Variants in FLYWCH1 observed in about 807,000 individuals in gnomAD.
FLYWCH1 encodes FLYWCH-type zinc finger-containing protein 1.
Under a neutral mutation model 66.4 loss-of-function variants are expected in FLYWCH1, and 75 were observed. The observed-to-expected ratio is 1.13, with a 90% CI of 0.94 to 1.37. The LOEUF (loss-of-function observed/expected upper bound fraction) is 1.37, where lower values mean the gene tolerates loss of function less well. FLYWCH1 is among the 40% of genes most tolerant of loss of function. The probability of loss-of-function intolerance (pLI) is 0.00; values close to 1 mark genes in which losing one functional copy is unlikely to be tolerated. For missense variants in FLYWCH1, 1,334 were observed against 1,001.8 expected (o/e 1.33, Z -4.48); for synonymous variants, 595 against 429.9 (o/e 1.38, Z -4.75).
rs990991540 is a variant in FLYWCH1, at chr16:2,933,561, C to G, written c.1228C>G (p.Gln410Glu). Reference protein sequence around the residue: ...PTQPEAPDEHQDMDADPGGPE... With the variant: ...PTQPEAPDEHEDMDADPGGPE... Reference sequence around the variant, plus strand: ...CCAGCCCGAGGCCCCAGACGAGCACCAGGACATGGACGCAGACCCGGGTGA... The same window carrying G: ...CCAGCCCGAGGCCCCAGACGAGCACGAGGACATGGACGCAGACCCGGGTGA... Residue 410 changes from glutamine (Q) to glutamate (E), a missense_variant, in exon 5 of 10, where the codon CAG becomes GAG. By Grantham distance (29) the Gln-to-Glu change is conservative (BLOSUM62 2). Coordinates refer to ENST00000253928, the MANE Select transcript of FLYWCH1 (RefSeq NM_001308068.2). The G allele has an allele frequency of 3.7e-6, 6 of 1,601,504 alleles. No homozygotes were observed. In the African/African-American group the frequency reaches 5.4e-5, roughly 14 times the overall value.
At chr16:2,921,031 C>T (rs866300982) in intron 2 of FLYWCH1, among the ~76,000 whole-genome samples, 4 of 151,636 alleles carry the variant, frequency 2.6e-5, no homozygotes, top group East Asian at 1.9e-4. Flanking sequence ...TTAGTAGAGA[C>T]GGGGTTTCAC....
intron 9 of FLYWCH1, among the ~76,000 whole-genome samples, chr16:2,943,961 G>A (rs1023000709): frequency 3.3e-5 from 5 of 151,994 alleles, no homozygotes; most frequent in African/African-American, 1.2e-4. Flanking sequence ...AAAATTAGCT[G>A]TGTGTGGTGG....
intron 4 of FLYWCH1, among the ~76,000 whole-genome samples, chr16:2,932,050 G>A (rs545680523): frequency 4.0e-5 from 6 of 151,184 alleles, no homozygotes; most frequent in East Asian, 1.9e-4. Flanking sequence ...CCCGGGAGGC[G>A]GAGCTTGCCG....
At chr16:2,915,871 G>A (rs2070152070) in intron 2 of FLYWCH1, among the ~76,000 whole-genome samples, 1 of 151,946 alleles carries the variant, frequency 6.6e-6, no homozygotes, top group East Asian at 1.9e-4. Flanking sequence ...TGAAATGAAT[G>A]TGCAAATGGA....
At chr16:2,940,825 A>G (rs974260086) in intron 9 of FLYWCH1, among the ~76,000 whole-genome samples, 5 of 146,000 alleles carry the variant, frequency 3.4e-5, no homozygotes, top group Non-Finnish European at 7.5e-5. Flanking sequence ...ACAGTGGCTC[A>G]TACCTGTAAT....
chr16:2,919,806 T>C (rs1037843393), intron 2 of FLYWCH1, among the ~76,000 whole-genome samples: 3 of 152,240 alleles, frequency 2.0e-5, no homozygotes, highest in Admixed American at 6.5e-5. Flanking sequence ...CGTGTAATTT[T>C]ACCAAGGCAA....
intron 1 of FLYWCH1, among the ~76,000 whole-genome samples, chr16:2,913,627 G>A (rs1219697239): frequency 1.3e-5 from 2 of 152,114 alleles, no homozygotes; most frequent in East Asian, 1.9e-4. Context: ...AGAATCATCC[G>A]GCCCAAAATG....
Position 2,933,146 on chromosome 16 carries a change from C to T in FLYWCH1, c.813C>T (p.Leu271=), listed in dbSNP as rs74005527. ...CTCCTCTAGGACAGGCCCGGCCCCTCGAGTTCCTGAGGACGTGCTACGGGG... is the reference window on the plus strand; with the variant it reads ...CTCCTCTAGGACAGGCCCGGCCCCTTGAGTTCCTGAGGACGTGCTACGGGG... ...SILGLGQARP[L]EFLRTCYGGS... Residue 271 remains leucine (L), a synonymous_variant, in exon 5 of 10, where the codon CTC becomes CTT. Transcript: ENST00000253928. 2,500 of 1,613,326 alleles carry T rather than the reference C, an allele frequency of 1.5e-3. 11 individuals are homozygous for T. The highest frequency in any genetic ancestry group is 0.015 in the African/African-American group (1,088 of 74,980).
At chr16:2,936,534 C>T (rs1026003926) in intron 6 of FLYWCH1, 1 of 454,456 alleles carries the variant, frequency 2.2e-6, no homozygotes, top group Admixed American at 2.4e-5. Context: ...CCACGATGCC[C>T]CAGGCCACCT....
intron 9 of FLYWCH1, among the ~76,000 whole-genome samples, chr16:2,945,165 C>T (rs1214431330): frequency 2.0e-5 from 3 of 151,710 alleles, no homozygotes; most frequent in Admixed American, 6.6e-5. Flanking sequence ...GCCTGGCCAA[C>T]GTGAAGAAAC....
chr16:2,931,305 T>TAAAAAAAGAAA (rs2070754261), intron 4 of FLYWCH1, among the ~76,000 whole-genome samples: 1 of 87,468 alleles, frequency 1.1e-5, no homozygotes, highest in Non-Finnish European at 2.1e-5. Context: ...TCCATCTCAG[T>TAAAAAAAGAAA]AAAAAAAAAA....
intron 9 of FLYWCH1, among the ~76,000 whole-genome samples, chr16:2,945,286 G>C (rs1162181485): frequency 6.6e-6 from 1 of 151,924 alleles, no homozygotes; most frequent in Admixed American, 6.6e-5. Flanking sequence ...AGGAGATCAA[G>C]ACCGTCCGGG....
chr16:2,932,798 T>C (rs953096968), intron 4 of FLYWCH1, among the ~76,000 whole-genome samples: 1 of 151,850 alleles, frequency 6.6e-6, no homozygotes, highest in Non-Finnish European at 1.5e-5. Flanking sequence ...CGGTGTAACC[T>C]TGATGCAACA....
At chr16:2,936,494 A>G in intron 6 of FLYWCH1, 1 of 220,182 alleles carries the variant, frequency 4.5e-6, no homozygotes, top group South Asian at 2.9e-5. Context: ...ACCCACCCCC[A>G]TCCCCTGCTT....
At chr16:2,944,733 G>C (rs2071408719) in intron 9 of FLYWCH1, among the ~76,000 whole-genome samples, 1 of 151,964 alleles carries the variant, frequency 6.6e-6, no homozygotes, top group African/African-American at 2.4e-5. Context: ...TGAGGCGTGA[G>C]AATCGCTTAA....
intron 2 of FLYWCH1, among the ~76,000 whole-genome samples, chr16:2,915,930 A>C (rs1457316571): frequency 2.0e-5 from 3 of 152,328 alleles, no homozygotes; most frequent in African/African-American, 7.2e-5. Context: ...ATTTTTGATT[A>C]TAAGGCTGAT....
chr16:2,947,806 C>G (rs2071546289), intron 9 of FLYWCH1, among the ~76,000 whole-genome samples: 1 of 150,504 alleles, frequency 6.6e-6, no homozygotes, highest in Non-Finnish European at 1.5e-5. Context: ...TAAAACAGAA[C>G]CTGATCACAT....
intron 9 of FLYWCH1, among the ~76,000 whole-genome samples, chr16:2,941,346 A>T (rs2071253364): frequency 2.6e-5 from 4 of 152,186 alleles, no homozygotes; most frequent in African/African-American, 9.7e-5. Context: ...CTTTGAAATA[A>T]AACTTATGGG....
In FLYWCH1 at chr16:2,949,919, C is replaced by T. The variant is rs1367326924; in HGVS notation, c.*1192C>T. The stretch of plus-strand genomic sequence containing the variant: ...GCCAGTGCCCAGGGGGAGACCCCTC[C>T]CCATGCCTGGGCTGTTACAGTCACC... On this transcript the variant is annotated 3_prime_UTR_variant, in exon 10 of 10. Transcript: ENST00000253928. 6.6e-6 allele frequency: 1 copy of T among 152,198 alleles called. No individual in the cohort carries two copies. The highest frequency in any genetic ancestry group is 1.9e-4 in the East Asian group (1 of 5,182). The allele number at this position is 152,198 out of a possible 1,614,324, so 9.4% of individuals were successfully genotyped here.
Sources: gnomAD v4.1 joint callset for allele counts (sites outside exome capture counted in the v4.1 genomes callset) on GRCh38, gnomAD v4.1.1 for gene constraint, MANE v1.5 for transcripts, NCBI Gene and HGNC (gene_info 2026-07-23, HGNC 2026-07-21) for gene names.